The following FAM9B variants were observed in gnomAD, a reference collection of about 807,000 sequenced individuals.
FAM9B encodes family with sequence similarity 9 member B, also known as protein FAM9B.
FAM9B carries 18 observed loss-of-function variants against 16.6 expected under a neutral mutation model. That is an observed-to-expected ratio of 1.09 (90% CI 0.75 to 1.61). The LOEUF (loss-of-function observed/expected upper bound fraction) is 1.61, where lower values mean the gene tolerates loss of function less well. Ranked by LOEUF, FAM9B falls within the 40% of genes most tolerant of loss-of-function variation. FAM9B has a pLI of 0.00. For missense variants in FAM9B, 155 were observed against 136.0 expected, an observed-to-expected ratio of 1.14 and a Z score of -0.70; for synonymous variants, 43 against 42.6, an observed-to-expected ratio of 1.01 and a Z score of -0.03.
At chrX:9,033,828 G>A (rs994592661) in intron 1 of FAM9B, 24 bp downstream of exon 1, 61 of 748,824 alleles carry the variant, frequency 8.1e-5, no homozygotes, top group Middle Eastern at 7.6e-4. Flanking sequence ...CTGCGTTCCC[G>A]CCTCCCCACC....
chrX:9,033,456 C>T (rs923453115), intron 1 of FAM9B: 26 of 781,010 alleles, frequency 3.3e-5, no homozygotes, highest in Non-Finnish European at 3.5e-5. Flanking sequence ...GCCACTCGCC[C>T]CCCTGGACGC....
At position 9,034,066 on chromosome X, in the gene FAM9B, A is replaced by C; in HGVS notation, c.-304T>G. On this transcript the variant is annotated 5_prime_UTR_variant, in exon 1 of 9. Coordinates refer to ENST00000327220, the MANE Select transcript of FAM9B (RefSeq NM_205849.3). Reference sequence around the variant, plus strand: ...AAAAAAAACAAAACAAAAAAACAAAAAAAAAGAAAAGTAAAGAAAACGGGT... The same window carrying C: ...AAAAAAAACAAAACAAAAAAACAAACAAAAAGAAAAGTAAAGAAAACGGGT... 1 of 207,778 alleles carries C rather than the reference A, an allele frequency of 4.8e-6. No individual in the cohort carries two copies. The highest frequency in any genetic ancestry group is 7.2e-6 in the Non-Finnish European group (1 of 139,289). The allele number at this position is 207,778 out of a possible 1,213,427, so 17.1% of individuals were successfully genotyped here.
At chrX:9,033,628 C>T (rs1921164632) in intron 1 of FAM9B, 1 of 532,571 alleles carries the variant, frequency 1.9e-6, no homozygotes, top group East Asian at 1.9e-4. Flanking sequence ...GCCCCCAGGA[C>T]CCTCCCGGGC....
rs1383288047 is a variant in FAM9B, at chrX:9,029,298, G to A, written c.393+9C>T. ...ACAGGTTATACATAAAGCTAAGCAT[G>A]ATACCAACAATTAGTTCTTCCTCTT... On this transcript the variant is annotated intron_variant, in intron 6 of 8. Transcript: ENST00000327220. The A allele has an allele frequency of 1.7e-6, 2 of 1,151,587 alleles. No individual in the cohort carries two copies. The highest frequency in any genetic ancestry group is 1.8e-5 in the South Asian group (1 of 54,535). 94.9% of individuals were successfully genotyped at this position (1,151,587 alleles called of 1,213,427 possible). A position where few individuals can be genotyped will look rare whatever the true frequency, so the allele number is the denominator to read the frequency against.
In FAM9B at chrX:9,029,329, T is replaced by C; in HGVS notation, c.371A>G (p.Glu124Gly). The change falls in exon 6 of 9, where the codon GAG becomes GGG. Residue 124 changes from glutamate to glycine, a missense_variant. Physicochemically the swap from Glu to Gly is moderately conservative, Grantham distance 98. Transcript: ENST00000327220. The stretch of plus-strand genomic sequence containing the variant: ...AACAATTAGTTCTTCCTCTTCTCCC[T>C]CTTCTTCTTCTTCCTCTTTCTGCTC... ...TDEQKEEEEE[E>G]GEEEELIRIF... 1 of 1,186,797 alleles carries C rather than the reference T, an allele frequency of 8.4e-7. No homozygotes were observed. The highest frequency in any genetic ancestry group is 2.2e-5 in the Admixed American group (1 of 45,116).
intron 7 of FAM9B, among the ~76,000 whole-genome samples, chrX:9,027,528 C>T (rs1291304072): frequency 9.0e-6 from 1 of 111,038 alleles, no homozygotes; most frequent in Non-Finnish European, 1.9e-5. Context: ...AGGTCATGGC[C>T]AAGGTCTGAT....
In FAM9B at chrX:9,030,289, G is replaced by T; in HGVS notation, c.253C>A (p.His85Asn). The T allele has an allele frequency of 8.3e-7, 1 of 1,201,653 alleles. No individual in the cohort carries two copies. The highest frequency in any genetic ancestry group is 1.1e-6 in the Non-Finnish European group (1 of 890,766). Reference sequence around the variant, plus strand: ...TTAAGTTGCTTTTTTCTCAAAGCATGTTTACTTTTGTTCTTTGTTTTGCTG... The same window carrying T: ...TTAAGTTGCTTTTTTCTCAAAGCATTTTTACTTTTGTTCTTTGTTTTGCTG... ...TCSKTKNKSKHALRKKQLKRQ... is the reference protein window; with the variant it reads ...TCSKTKNKSKNALRKKQLKRQ... Residue 85 changes from histidine (H) to asparagine (N), a missense_variant, in exon 5 of 9, where the codon CAT (histidine) becomes AAT (asparagine). His to Asn is a moderately conservative substitution (Grantham distance 68, BLOSUM62 1). Transcript: ENST00000327220.
At chrX:9,027,761 G>A in intron 7 of FAM9B, 107 bp downstream of exon 7, 1 of 591,823 alleles carries the variant, frequency 1.7e-6, no homozygotes, top group Middle Eastern at 3.3e-4. Flanking sequence ...TAAGTAATTT[G>A]AAATGTATAA....
intron 1 of FAM9B, chrX:9,033,434 A>C (rs940767108): frequency 2.3e-5 from 20 of 866,026 alleles, no homozygotes; most frequent in Non-Finnish European, 2.9e-5. Context: ...GGGGAATGTC[A>C]GGGGCTGCAC....
In FAM9B at chrX:9,032,112, A is replaced by G. The variant is rs761566433; in HGVS notation, c.181+18T>C. The stretch of plus-strand genomic sequence containing the variant: ...TGAAAACAATTTTCATAAACTACAG[A>G]TAACTCCTAAAACATACCTGCAGTA... On this transcript the variant is annotated intron_variant, in intron 4 of 8. Coordinates refer to ENST00000327220, the MANE Select transcript of FAM9B (RefSeq NM_205849.3). 1 of 1,197,899 alleles carries G rather than the reference A, an allele frequency of 8.3e-7. No individual in the cohort carries two copies. Among genetic ancestry groups the G allele is most frequent in the Non-Finnish European group, 1.1e-6 (1 of 888,274 alleles).
At chrX:9,033,105 C>A (rs1921139030) in intron 1 of FAM9B, 30 bp from the exon 2 acceptor site, 1 of 1,194,719 alleles carries the variant, frequency 8.4e-7, no homozygotes, top group Admixed American at 2.3e-5. Flanking sequence ...ACTAAGGAAG[C>A]TAAGGAAACC....
At chrX:9,033,290 C>T (rs180695457) in intron 1 of FAM9B, 65 of 1,073,939 alleles carry the variant, frequency 6.1e-5, no homozygotes, top group Non-Finnish European at 7.5e-5. Flanking sequence ...GCCCCTCACA[C>T]CTGAACTCCA....
Position 9,025,474 on chromosome X carries a change from C to T in FAM9B, c.*31+10G>A. The T allele has an allele frequency of 9.9e-7, 1 of 1,009,631 alleles. No homozygotes were observed. The highest frequency in any genetic ancestry group is 1.4e-6 in the Non-Finnish European group (1 of 727,390). 83.2% of individuals were successfully genotyped at this position (1,009,631 alleles called of 1,213,427 possible). Reference sequence around the variant, plus strand: ...TCCTGAGTTTTTAATATTAAATATGCACTACTTACAGTTCTGACATGATTT... The same window carrying T: ...TCCTGAGTTTTTAATATTAAATATGTACTACTTACAGTTCTGACATGATTT... On this transcript the variant is annotated intron_variant, in intron 8 of 8. Coordinates refer to ENST00000327220, the MANE Select transcript of FAM9B (RefSeq NM_205849.3).
At chrX:9,028,551 A>T (rs1276471091) in intron 6 of FAM9B, among the ~76,000 whole-genome samples, 1 of 111,480 alleles carries the variant, frequency 9.0e-6, no homozygotes, top group Non-Finnish European at 1.9e-5. Flanking sequence ...GTCAGATCAC[A>T]TCCTGAAAAA....
intron 6 of FAM9B, among the ~76,000 whole-genome samples, 188 bp from the exon 7 acceptor site, chrX:9,028,154 C>CT (rs1191326178): frequency 8.9e-6 from 1 of 111,747 alleles, no homozygotes; most frequent in East Asian, 2.8e-4. Flanking sequence ...ATGTATTAAC[C>CT]TTTTTTATCA....
chrX:9,024,242 G>A lies in FAM9B; in HGVS notation c.*1167C>T, dbSNP rs370909720. ...AAAGGCAGGCGAATTCATCATTCAAGTTTTTAGATGTCCATATAAACTTCC... is the reference window on the plus strand; with the variant it reads ...AAAGGCAGGCGAATTCATCATTCAAATTTTTAGATGTCCATATAAACTTCC... On this transcript the variant is annotated 3_prime_UTR_variant, in exon 9 of 9. Coordinates refer to ENST00000327220, the MANE Select transcript of FAM9B (RefSeq NM_205849.3). 1 of 111,290 alleles carries A rather than the reference G, an allele frequency of 9.0e-6. No individual in the cohort carries two copies. The highest frequency in any genetic ancestry group is 3.3e-5 in the African/African-American group (1 of 30,721). 9.2% of individuals were successfully genotyped at this position (111,290 alleles called of 1,213,427 possible).
At chrX:9,033,249 G>A (rs1257888343) in intron 1 of FAM9B, 174 bp from the exon 2 acceptor site, 199 of 1,091,062 alleles carry the variant, frequency 1.8e-4, no homozygotes, top group Non-Finnish European at 2.1e-4. Context: ...CGTCCAGCCC[G>A]TCCCCGGGGC....
rs1569138409 is a variant in FAM9B at position 9,029,357 on chromosome X, C to T, written c.343G>A (p.Asp115Asn). 1 of 1,210,204 alleles carries T rather than the reference C, an allele frequency of 8.3e-7. No individual in the cohort carries two copies. The highest frequency in any genetic ancestry group is 3.0e-5 in the East Asian group (1 of 33,809). ...TCTTCTTCTTCCTCTTTCTGCTCGT[C>T]TGTGATGTATTCTTCAAGGACATTT... ...LLNVLEEYIT[D>N]EQKEEEEEEG... The change falls in exon 6 of 9, where the codon GAC becomes AAC. Residue 115 changes from aspartate (D) to asparagine (N), a missense_variant. By Grantham distance (23) the Asp-to-Asn change is conservative. Coordinates refer to ENST00000327220, the MANE Select transcript of FAM9B (RefSeq NM_205849.3).
chrX:9,029,270 A>G (rs781075289), intron 6 of FAM9B, 37 bp downstream of exon 6: 2 of 1,037,905 alleles, frequency 1.9e-6, no homozygotes, highest in Admixed American at 4.6e-5. Flanking sequence ...AGACACTGAC[A>G]TAACAGGTTA....
Sources: allele counts gnomAD v4.1 joint callset (sites outside exome capture counted in the v4.1 genomes callset), GRCh38; gene constraint gnomAD v4.1.1; transcripts MANE v1.5; gene names NCBI Gene and HGNC (gene_info 2026-07-23, HGNC 2026-07-21).